Variants in LDB2 observed in about 807,000 individuals in gnomAD.
The protein encoded by LDB2 is LIM domain binding 2.
Under a neutral mutation model 44.3 loss-of-function variants are expected in LDB2, and 12 were observed. The observed-to-expected ratio is 0.27, with a 90% CI of 0.17 to 0.44. LDB2 has a LOEUF of 0.44. Among genes scored for constraint, LDB2 ranks in the 20% least tolerant of loss-of-function variants. The pLI, the probability that LDB2 is intolerant of heterozygous loss-of-function variation, is 1.00. For missense variants in LDB2, 344 were observed against 473.5 expected (o/e 0.73, Z 2.54); for synonymous variants, 164 against 174.8 (o/e 0.94, Z 0.49).
At chr4:16,503,788 C>G (rs927629099) in intron 7 of LDB2, among the ~76,000 whole-genome samples, 3 of 152,198 alleles carry the variant, frequency 2.0e-5, no homozygotes, top group Non-Finnish European at 4.4e-5. Context: ...TCTAATCACT[C>G]TTTTAAGTAC....
At chr4:16,740,834 T>C (rs2109013010) in intron 2 of LDB2, among the ~76,000 whole-genome samples, 1 of 152,364 alleles carries the variant, frequency 6.6e-6, no homozygotes, top group African/African-American at 2.4e-5. Context: ...AATATCTCTT[T>C]AATGCAATGC....
At chr4:16,702,449 C>T (rs1393685655) in intron 2 of LDB2, among the ~76,000 whole-genome samples, 1 of 152,142 alleles carries the variant, frequency 6.6e-6, no homozygotes, top group Non-Finnish European at 1.5e-5. Context: ...CATTTTAGGC[C>T]TCAGCCCTGA....
intron 5 of LDB2, among the ~76,000 whole-genome samples, chr4:16,580,826 G>C (rs56123507): frequency 0.012 from 1,757 of 152,238 alleles, 17 homozygotes; most frequent in South Asian, 0.023. Context: ...AAATGTGTAA[G>C]GATATGATTT....
chr4:16,816,906 C>T (rs1781042998), intron 1 of LDB2, among the ~76,000 whole-genome samples: 1 of 152,078 alleles, frequency 6.6e-6, no homozygotes, highest in East Asian at 1.9e-4. Context: ...GTGGTGCATA[C>T]CACCTTAAGT....
intron 2 of LDB2, among the ~76,000 whole-genome samples, chr4:16,731,436 T>G (rs1218814559): frequency 6.6e-6 from 1 of 152,166 alleles, no homozygotes; most frequent in Non-Finnish European, 1.5e-5. Context: ...TGATGTTAGA[T>G]GAGTCCCACC....
intron 1 of LDB2, among the ~76,000 whole-genome samples, chr4:16,893,787 TA>T (rs922361647): frequency 6.6e-6 from 1 of 150,556 alleles, no homozygotes; most frequent in Non-Finnish European, 1.5e-5. Context: ...GTGTTTATGG[TA>T]TTTTTTTTTT....
At chr4:16,622,196 T>C (rs985793267) in intron 2 of LDB2, among the ~76,000 whole-genome samples, 2 of 152,180 alleles carry the variant, frequency 1.3e-5, no homozygotes, top group Non-Finnish European at 2.9e-5. Context: ...TCTAGATAAG[T>C]GGGCCGGATA....
At chr4:16,866,158 G>A (rs183508141) in intron 1 of LDB2, among the ~76,000 whole-genome samples, 48 of 152,114 alleles carry the variant, frequency 3.2e-4, no homozygotes, top group Admixed American at 2.8e-3. Flanking sequence ...TTTTCTTTCC[G>A]CGAAGTGCCA....
intron 1 of LDB2, among the ~76,000 whole-genome samples, chr4:16,833,538 TTTCCTC>T (rs1278113014): frequency 3.6e-5 from 5 of 136,996 alleles, no homozygotes; most frequent in African/African-American, 1.4e-4. Context: ...CCACCAATCT[TTTCCTC>T]TTTTTTTTTT....
rs1342027468 is a variant in LDB2 at position 16,582,000 on chromosome 4, G to GGAA, written c.615+3921_615+3922insTTC. ...GAAGGAAGGGAAGGAAGGGAAGGAA[G>GGAA]GGAAGGAAGGAAGGAAGGAAGGAAG... On this transcript the variant is annotated intron_variant, in intron 5 of 7. Transcript: ENST00000304523. 7.0e-3 allele frequency among the ~76,000 whole-genome samples: 722 copies of GGAA among 103,856 alleles called. 2 individuals carry two copies. Among genetic ancestry groups the GGAA allele is most frequent in the East Asian group, 0.01 (40 of 3,980 alleles). 68.1% of individuals were successfully genotyped at this position (103,856 alleles called of 152,430 possible).
At chr4:16,542,735 A>C (rs73128939) in intron 5 of LDB2, among the ~76,000 whole-genome samples, 1 of 151,484 alleles carries the variant, frequency 6.6e-6, no homozygotes, top group Non-Finnish European at 1.5e-5. Context: ...ATTTTTTTTT[A>C]ACCAATTTAC....
chr4:16,874,416 A>G (rs2110369949), intron 1 of LDB2, among the ~76,000 whole-genome samples: 1 of 152,308 alleles, frequency 6.6e-6, no homozygotes, highest in South Asian at 2.1e-4. Flanking sequence ...CAATTAGACT[A>G]TGATTTACCC....
intron 1 of LDB2, among the ~76,000 whole-genome samples, chr4:16,876,939 G>C (rs558659306): frequency 6.8e-6 from 1 of 146,286 alleles, no homozygotes. Context: ...CAAGGTCTTC[G>C]CTCTGTCACA....
rs1158033004 is a variant in LDB2 at position 16,888,279 on chromosome 4, A to C, written c.132+10075T>G. 7.2e-5 allele frequency among the ~76,000 whole-genome samples: 11 copies of C among 152,336 alleles called. No homozygotes were observed. In the South Asian group the frequency reaches 2.1e-3, roughly 29 times the overall value. On this transcript the variant is annotated intron_variant, in intron 1 of 7. Coordinates refer to ENST00000304523, the MANE Select transcript of LDB2 (RefSeq NM_001290.5). The stretch of plus-strand genomic sequence containing the variant: ...GACACTGGTGAAAGGGAACCTTTTA[A>C]TGTTTTGTTGTCTCCACTGAGTTCT...
intron 1 of LDB2, among the ~76,000 whole-genome samples, chr4:16,812,144 G>C (rs1442770099): frequency 6.6e-6 from 1 of 152,138 alleles, no homozygotes; most frequent in Non-Finnish European, 1.5e-5. Context: ...TATTAGCAAA[G>C]CATAGAGCTT....
At chr4:16,738,547 G>T (rs1217142016) in intron 2 of LDB2, among the ~76,000 whole-genome samples, 1 of 152,124 alleles carries the variant, frequency 6.6e-6, no homozygotes, top group African/African-American at 2.4e-5. Context: ...TAACCCTTTG[G>T]TACATAAAAT....
chr4:16,747,090 C>G (rs1292072458), intron 2 of LDB2, among the ~76,000 whole-genome samples: 2 of 152,182 alleles, frequency 1.3e-5, no homozygotes, highest in East Asian at 3.8e-4. Context: ...GAAGACGAGC[C>G]TGAATTTAAT....
At chr4:16,888,004 C>T (rs1447586837) in intron 1 of LDB2, among the ~76,000 whole-genome samples, 2 of 152,180 alleles carry the variant, frequency 1.3e-5, no homozygotes, top group Non-Finnish European at 1.5e-5. Flanking sequence ...TTCAGCACTT[C>T]ACTACTTCCA....
chr4:16,667,782 G>T (rs1211994364), intron 2 of LDB2, among the ~76,000 whole-genome samples: 3 of 152,150 alleles, frequency 2.0e-5, no homozygotes, highest in African/African-American at 7.2e-5. Flanking sequence ...AGGGTTGAGG[G>T]GCCAGATGTG....
Sources: gnomAD v4.1 joint callset for allele counts (sites outside exome capture counted in the v4.1 genomes callset) on GRCh38, gnomAD v4.1.1 for gene constraint, MANE v1.5 for transcripts, NCBI Gene and HGNC (gene_info 2026-07-23, HGNC 2026-07-21) for gene names.